Variants in NBEA observed in about 807,000 individuals in gnomAD.
The protein encoded by NBEA is lysosomal-trafficking regulator 2.
A neutral mutation model predicts 343.4 loss-of-function variants in NBEA; 44 were observed. That is an observed-to-expected ratio of 0.13 (90% CI 0.10 to 0.16). The LOEUF (loss-of-function observed/expected upper bound fraction) is 0.16, where lower values mean the gene tolerates loss of function less well. NBEA is among the 10% of genes least tolerant of loss of function. The pLI, the probability that NBEA is intolerant of heterozygous loss-of-function variation, is 1.00. For synonymous variants in NBEA, 1,175 were observed against 1,238.7 expected, an observed-to-expected ratio of 0.95 and a Z score of 1.08; for missense variants, 2,555 against 3,631.3, an observed-to-expected ratio of 0.70 and a Z score of 7.62.
At chr13:35,060,761 T>C (rs189832438) in intron 8 of NBEA, among the ~76,000 whole-genome samples, 105 of 151,772 alleles carry the variant, frequency 6.9e-4, no homozygotes, top group Non-Finnish European at 1.1e-3. Context: ...GGAATGCATT[T>C]GATCAGATTG....
At chr13:35,456,076 G>T (rs962081988) in intron 40 of NBEA, among the ~76,000 whole-genome samples, 2 of 151,872 alleles carry the variant, frequency 1.3e-5, no homozygotes, top group South Asian at 2.1e-4. Flanking sequence ...GTCTATGTGT[G>T]GTCCAAATCA....
At chr13:35,416,307 T>C (rs2043906256) in intron 38 of NBEA, among the ~76,000 whole-genome samples, 1 of 152,174 alleles carries the variant, frequency 6.6e-6, no homozygotes. Flanking sequence ...ATCCCTGTCT[T>C]GTGCCAGTTT....
intron 10 of NBEA, among the ~76,000 whole-genome samples, chr13:35,071,215 G>A (rs2063856370): frequency 6.6e-6 from 1 of 151,354 alleles, no homozygotes; most frequent in South Asian, 2.1e-4. Flanking sequence ...AAATTACTAG[G>A]GTAAAGTTAT....
At chr13:35,328,341 A>G (rs969840075) in intron 36 of NBEA, among the ~76,000 whole-genome samples, 3 of 151,890 alleles carry the variant, frequency 2.0e-5, no homozygotes, top group African/African-American at 7.2e-5. Flanking sequence ...AAAACCTACA[A>G]CATATTTCTG....
intron 10 of NBEA, among the ~76,000 whole-genome samples, chr13:35,098,019 T>C (rs1054364988): frequency 6.6e-6 from 1 of 152,112 alleles, no homozygotes; most frequent in African/African-American, 2.4e-5. Context: ...CATATAAATA[T>C]ACGTAGAGAT....
chr13:35,100,052 G>A (rs2065562741), intron 11 of NBEA, among the ~76,000 whole-genome samples: 1 of 151,910 alleles, frequency 6.6e-6, no homozygotes, highest in African/African-American at 2.4e-5. Flanking sequence ...TATTTCCTTT[G>A]CAAAAAAATT....
chr13:35,598,451 C>G lies in NBEA; in HGVS notation c.7296+5004C>G, dbSNP rs2081904888. On this transcript the variant is annotated intron_variant, in intron 47 of 58. Coordinates refer to ENST00000379939, the MANE Select transcript of NBEA (RefSeq NM_001385012.1). The stretch of plus-strand genomic sequence containing the variant: ...TGCCCTCTGAATCGTTCTTTTGTTT[C>G]CAGAAGAAATAAACATGGTTTGCAG... 2.6e-5 allele frequency among the ~76,000 whole-genome samples: 4 copies of G among 152,112 alleles called. No individual in the cohort carries two copies. In the South Asian group the frequency reaches 8.3e-4, roughly 31 times the overall value.
chr13:35,286,188 A>G lies in NBEA; in HGVS notation c.5777-4201A>G, dbSNP rs796858542. On this transcript the variant is annotated intron_variant, in intron 34 of 58. Transcript: ENST00000379939. ...CCCCACATCCCACTTAGTACCTGCCATGGTGTCAGGCACATTAGACAATAT... is the reference window on the plus strand; with the variant it reads ...CCCCACATCCCACTTAGTACCTGCCGTGGTGTCAGGCACATTAGACAATAT... Among the ~76,000 whole-genome samples the G allele has an allele frequency of 4.1e-4, 63 of 152,252 alleles. 1 individual carries two copies. The highest frequency in any genetic ancestry group is 1.4e-3 in the African/African-American group (59 of 41,566).
chr13:35,607,377 G>A (rs2082323049), intron 48 of NBEA, among the ~76,000 whole-genome samples: 1 of 152,088 alleles, frequency 6.6e-6, no homozygotes. Context: ...AATGAGAAAT[G>A]TATAAACAGA....
At chr13:35,628,975 A>T (rs184726786) in intron 49 of NBEA, among the ~76,000 whole-genome samples, 2 of 152,326 alleles carry the variant, frequency 1.3e-5, no homozygotes, top group Admixed American at 6.5e-5. Context: ...AGAATACTCA[A>T]AAACATGCAT....
At chr13:35,039,910 A>G (rs1302858962) in intron 1 of NBEA, among the ~76,000 whole-genome samples, 1 of 152,144 alleles carries the variant, frequency 6.6e-6, no homozygotes, top group African/African-American at 2.4e-5. Flanking sequence ...TTTTTGGAAT[A>G]AAGTAATGTA....
intron 38 of NBEA, among the ~76,000 whole-genome samples, chr13:35,415,941 A>G (rs946515858): frequency 2.6e-5 from 4 of 151,906 alleles, no homozygotes; most frequent in South Asian, 2.1e-4. Flanking sequence ...CCTTGAAGAG[A>G]TCCTTCACAT....
intron 38 of NBEA, among the ~76,000 whole-genome samples, chr13:35,375,913 A>G (rs1363341060): frequency 6.6e-6 from 1 of 152,174 alleles, no homozygotes; most frequent in Non-Finnish European, 1.5e-5. Context: ...GTTTCTACCT[A>G]AATATTTGAA....
chr13:34,989,000 C>T (rs910283056), intron 1 of NBEA, among the ~76,000 whole-genome samples: 3 of 150,660 alleles, frequency 2.0e-5, no homozygotes, highest in African/African-American at 7.3e-5. Context: ...GTTTCTTTGT[C>T]CCATTTGTTT....
intron 1 of NBEA, among the ~76,000 whole-genome samples, chr13:34,974,157 A>G (rs533402701): frequency 1.3e-5 from 2 of 152,164 alleles, no homozygotes; most frequent in African/African-American, 4.8e-5. Flanking sequence ...CCGTCATCCT[A>G]TCTGCTTTTC....
At chr13:35,307,387 T>C (rs2036965739) in intron 35 of NBEA, among the ~76,000 whole-genome samples, 1 of 152,074 alleles carries the variant, frequency 6.6e-6, no homozygotes, top group Non-Finnish European at 1.5e-5. Context: ...TAAACTGTAA[T>C]GTCCTTAGCT....
chr13:35,424,135 C>G (rs1019538283), intron 38 of NBEA, among the ~76,000 whole-genome samples: 4 of 152,058 alleles, frequency 2.6e-5, no homozygotes, highest in Non-Finnish European at 5.9e-5. Context: ...AATCGGATAC[C>G]TTTATTTCCT....
At chr13:34,947,880 A>G (rs918914284) in intron 1 of NBEA, among the ~76,000 whole-genome samples, 3 of 152,206 alleles carry the variant, frequency 2.0e-5, no homozygotes, top group African/African-American at 7.2e-5. Flanking sequence ...AACTAGAAAT[A>G]TGTGTTCAAT....
At chr13:35,241,563 CTGTTT>C (rs959839350) in intron 34 of NBEA, among the ~76,000 whole-genome samples, 13 of 151,742 alleles carry the variant, frequency 8.6e-5, no homozygotes, top group African/African-American at 2.4e-4. Context: ...CATATTAAAA[CTGTTT>C]TGTTTTATCA....
Sources: gnomAD v4.1 joint callset for allele counts (sites outside exome capture counted in the v4.1 genomes callset) on GRCh38, gnomAD v4.1.1 for gene constraint, MANE v1.5 for transcripts, NCBI Gene and HGNC (gene_info 2026-07-23, HGNC 2026-07-21) for gene names.